DAB1: variants seen among roughly 807,000 people sequenced by gnomAD.
The protein encoded by DAB1 is disabled homolog 1.
In DAB1, 15 loss-of-function variants were observed where a neutral mutation model predicts 64.6. That is an observed-to-expected ratio of 0.23 (90% CI 0.16 to 0.36). DAB1 has a LOEUF of 0.36. DAB1 is among the 10% of genes least tolerant of loss of function. DAB1 has a pLI of 1.00. For missense variants in DAB1, 596 were observed against 706.7 expected (o/e 0.84, Z 1.78); for synonymous variants, 235 against 251.9 (o/e 0.93, Z 0.64).
chr1:58,220,057 A>G (rs1659076211), intron 4 of DAB1, among the ~76,000 whole-genome samples: 1 of 152,270 alleles, frequency 6.6e-6, no homozygotes, highest in African/African-American at 2.4e-5. Flanking sequence ...CTGCCTGACC[A>G]GTAAAAAGGT....
At chr1:58,296,130 AAAAG>A (rs1367502763) in intron 4 of DAB1, among the ~76,000 whole-genome samples, 18 of 131,994 alleles carry the variant, frequency 1.4e-4, no homozygotes, top group African/African-American at 1.1e-4. Flanking sequence ...AGAAAGAAAA[AAAAG>A]AAAGAAAGGA....
intron 5 of DAB1, among the ~76,000 whole-genome samples, chr1:57,942,042 A>G (rs1645113913): frequency 6.6e-6 from 1 of 152,184 alleles, no homozygotes; most frequent in Non-Finnish European, 1.5e-5. Context: ...TTTTCTGGGT[A>G]GATGGGGCAA....
At chr1:57,522,875 G>A (rs955030386) in intron 7 of DAB1, among the ~76,000 whole-genome samples, 1 of 152,208 alleles carries the variant, frequency 6.6e-6, no homozygotes, top group Non-Finnish European at 1.5e-5. Context: ...TTTCTCTGGT[G>A]CTGGAGGTTT....
At chr1:57,628,965 GCA>G (rs1290714246) in intron 7 of DAB1, among the ~76,000 whole-genome samples, 7 of 152,158 alleles carry the variant, frequency 4.6e-5, no homozygotes, top group Admixed American at 2.0e-4. Context: ...AGCATTGAAT[GCA>G]CATTAACTTA....
intron 5 of DAB1, among the ~76,000 whole-genome samples, chr1:57,927,657 C>T (rs770721605): frequency 1.1e-4 from 17 of 152,174 alleles, no homozygotes; most frequent in South Asian, 8.3e-4. Context: ...TGATTTATAG[C>T]GACTTGTTAT....
chr1:57,711,364 C>T (rs1647027271), intron 6 of DAB1, among the ~76,000 whole-genome samples: 1 of 152,226 alleles, frequency 6.6e-6, no homozygotes, highest in Non-Finnish European at 1.5e-5. Flanking sequence ...CAATCCCTCC[C>T]TTTGGATTTC....
chr1:57,512,301 C>T (rs1570585997), intron 7 of DAB1, among the ~76,000 whole-genome samples: 1 of 152,258 alleles, frequency 6.6e-6, no homozygotes, highest in Middle Eastern at 3.4e-3. Context: ...CTACTAGGCA[C>T]AGAATTGTTG....
intron 6 of DAB1, among the ~76,000 whole-genome samples, chr1:57,723,282 G>A (rs1286861150): frequency 6.6e-6 from 1 of 152,132 alleles, no homozygotes; most frequent in African/African-American, 2.4e-5. Flanking sequence ...ATATCACTTG[G>A]CTCTGTCTGA....
Position 57,461,525 on chromosome 1 carries a change from C to G in DAB1, n.626-170359G>C, listed in dbSNP as rs78257336. 9.3e-3 allele frequency among the ~76,000 whole-genome samples: 1,422 copies of G among 152,270 alleles called. 30 individuals are homozygous for G. Among genetic ancestry groups the G allele is most frequent in the African/African-American group, 0.032 (1,346 of 41,550 alleles). ...TCTCATCAGCCCCTTCTCCACACTT[C>G]CTGTCTTGCACATTATGTTCTACTA... On this transcript the variant is annotated intron_variant and non_coding_transcript_variant, in intron 7 of 20. Coordinates refer to the DAB1 transcript ENST00000485760.
At chr1:58,370,623 T>C (rs550551968) in intron 3 of DAB1, among the ~76,000 whole-genome samples, 3 of 152,310 alleles carry the variant, frequency 2.0e-5, no homozygotes, top group South Asian at 4.1e-4. Context: ...GGTTTGGCTC[T>C]GTGTCCTCAC....
rs560220945 is a variant in DAB1, at chr1:58,297,670, C to T, written n.309+45682G>A. On this transcript the variant is annotated intron_variant and non_coding_transcript_variant, in intron 4 of 20. Transcript: ENST00000485760. ...TTATAATAAATGTTAAAATAGAAAT[C>T]CTAGTAGAGTAATATAGAAGCATGG... 5.3e-4 allele frequency among the ~76,000 whole-genome samples: 81 copies of T among 152,200 alleles called. 1 individual carries two copies. The highest frequency in any genetic ancestry group is 1.9e-3 in the African/African-American group (77 of 41,528).
chr1:57,985,391 G>A (rs1008485953), intron 5 of DAB1, among the ~76,000 whole-genome samples: 1 of 152,150 alleles, frequency 6.6e-6, no homozygotes, highest in African/African-American at 2.4e-5. Context: ...CCTGGAACAT[G>A]TTTGTGTCAC....
chr1:57,590,526 T>C (rs1212847432), intron 7 of DAB1, among the ~76,000 whole-genome samples: 1 of 151,834 alleles, frequency 6.6e-6, no homozygotes, highest in Non-Finnish European at 1.5e-5. Context: ...AGAGATGGGG[T>C]TTCACCATGT....
Position 57,060,609 on chromosome 1 carries a change from A to T in DAB1, c.723+2275T>A, listed in dbSNP as rs534202145. Among the ~76,000 whole-genome samples the T allele has an allele frequency of 5.3e-5, 8 of 152,314 alleles. No homozygotes were observed. In the South Asian group the frequency reaches 1.7e-3, roughly 32 times the overall value. The stretch of plus-strand genomic sequence containing the variant: ...AGAGGAATGACAGCACAAAGGCAGG[A>T]GTGATCTGCTGTTGCTGTTCAGAGC... On this transcript the variant is annotated intron_variant, in intron 9 of 14. Coordinates refer to ENST00000371236, the MANE Select transcript of DAB1 (RefSeq NM_001365792.1).
intron 3 of DAB1, among the ~76,000 whole-genome samples, chr1:58,418,231 T>C (rs1557754315): frequency 6.6e-6 from 1 of 152,228 alleles, no homozygotes; most frequent in Non-Finnish European, 1.5e-5. Flanking sequence ...GTCTAATTTA[T>C]CAGGAATTGC....
At chr1:57,565,684 T>G (rs940749058) in intron 7 of DAB1, among the ~76,000 whole-genome samples, 1 of 152,168 alleles carries the variant, frequency 6.6e-6, no homozygotes, top group African/African-American at 2.4e-5. Flanking sequence ...AAGAAGGCCA[T>G]TACATAATGG....
chr1:57,837,621 T>G (rs1206665567), intron 1 of DAB1, among the ~76,000 whole-genome samples: 1 of 152,144 alleles, frequency 6.6e-6, no homozygotes, highest in African/African-American at 2.4e-5. Flanking sequence ...CCCAACTTAT[T>G]AAGATCATGC....
chr1:57,545,369 C>T (rs1644845073), intron 7 of DAB1, among the ~76,000 whole-genome samples: 1 of 152,198 alleles, frequency 6.6e-6, no homozygotes, highest in Non-Finnish European at 1.5e-5. Flanking sequence ...AATCTGTGAG[C>T]TCAATCAGGG....
chr1:57,060,946 T>C (rs756989517), intron 9 of DAB1, among the ~76,000 whole-genome samples: 4 of 151,872 alleles, frequency 2.6e-5, no homozygotes, highest in African/African-American at 4.8e-5. Context: ...TCCTTACGTA[T>C]CTAAACCTGT....
Sources: allele counts gnomAD v4.1 joint callset (sites outside exome capture counted in the v4.1 genomes callset), GRCh38; gene constraint gnomAD v4.1.1; transcripts MANE v1.5; gene names NCBI Gene and HGNC (gene_info 2026-07-23, HGNC 2026-07-21).